Variants in RAB23 observed in about 807,000 individuals in gnomAD.
RAB23 encodes RAB23, member RAS oncogene family, also known as ras-related protein Rab-23.
RAB23 carries 15 observed loss-of-function variants against 30.0 expected under a neutral mutation model. That is an observed-to-expected ratio of 0.50 (90% CI 0.33 to 0.77). The LOEUF is 0.77. Ranked by LOEUF, RAB23 falls within the 30% of genes least tolerant of loss-of-function variation. The pLI is 0.02. For synonymous variants in RAB23, 93 were observed against 94.0 expected, an observed-to-expected ratio of 0.99 and a Z score of 0.06; for missense variants, 243 against 275.4, an observed-to-expected ratio of 0.88 and a Z score of 0.83.
chr6:57,207,599 AAAAT>A (rs748669596), intron 3 of RAB23, 25 bp downstream of exon 3: 13 of 1,513,516 alleles, frequency 8.6e-6, no homozygotes, highest in Non-Finnish European at 1.0e-5. Flanking sequence ...ATGCCCAAAC[AAAAT>A]AAATAAATAA....
At chr6:57,211,424 T>C (rs1765648062) in intron 1 of RAB23, among the ~76,000 whole-genome samples, 2 of 152,094 alleles carry the variant, frequency 1.3e-5, no homozygotes, top group Non-Finnish European at 2.9e-5. Flanking sequence ...CACGCCACTG[T>C]ACTCCAGCCT....
chr6:57,195,742 T>G (rs1764999315), intron 4 of RAB23, among the ~76,000 whole-genome samples: 1 of 152,240 alleles, frequency 6.6e-6, no homozygotes, highest in Admixed American at 6.5e-5. Flanking sequence ...AGCCTTTCCG[T>G]GAGAACAGGC....
At chr6:57,219,006 CA>C (rs1011179886) in intron 1 of RAB23, among the ~76,000 whole-genome samples, 81 of 152,064 alleles carry the variant, frequency 5.3e-4, no homozygotes, top group Admixed American at 1.3e-4. Context: ...TAATAGGAAA[CA>C]AAAATAAAAC....
At chr6:57,194,412 A>G (rs1395479893) in intron 5 of RAB23, among the ~76,000 whole-genome samples, 1 of 152,104 alleles carries the variant, frequency 6.6e-6, no homozygotes, top group Non-Finnish European at 1.5e-5. Flanking sequence ...TAAATTAAAT[A>G]CTATTAAATA....
At chr6:57,211,608 T>C (rs1214908445) in intron 1 of RAB23, among the ~76,000 whole-genome samples, 1 of 152,246 alleles carries the variant, frequency 6.6e-6, no homozygotes, top group African/African-American at 2.4e-5. Context: ...AGGTTTTGTA[T>C]AATAGTGTAC....
chr6:57,199,586 T>C (rs1320475713), intron 3 of RAB23, among the ~76,000 whole-genome samples: 3 of 152,042 alleles, frequency 2.0e-5, no homozygotes, highest in Non-Finnish European at 4.4e-5. Context: ...TTCTGCAGTA[T>C]AAAGAACAAA....
At chr6:57,218,667 A>T (rs1293485862) in intron 1 of RAB23, among the ~76,000 whole-genome samples, 1 of 152,130 alleles carries the variant, frequency 6.6e-6, no homozygotes, top group Non-Finnish European at 1.5e-5. Flanking sequence ...CCTGGACAAC[A>T]TGGTGAAACT....
intron 3 of RAB23, among the ~76,000 whole-genome samples, chr6:57,201,966 T>TATACAATTAAGCC (rs1250605552): frequency 6.6e-6 from 1 of 152,330 alleles, no homozygotes; most frequent in Admixed American, 6.5e-5. Flanking sequence ...CATCTCTCAC[T>TATACAATTAAGCC]ATACAATTAA....
At position 57,190,493 on chromosome 6, in the gene RAB23, T is replaced by C; in HGVS notation, c.682A>G (p.Arg228Gly). 1 of 1,614,156 alleles carries C rather than the reference T, an allele frequency of 6.2e-7. No individual in the cohort carries two copies. Among genetic ancestry groups the C allele is most frequent in the Non-Finnish European group, 8.5e-7 (1 of 1,179,978 alleles). The change falls in exon 7 of 7, where the codon AGA (arginine) becomes GGA (glycine). Residue 228 changes from arginine to glycine, a missense_variant. Transcript: ENST00000468148. Reference protein sequence around the residue: ...RPNKQRTKKNRNPFSSCSIP With the variant: ...RPNKQRTKKNGNPFSSCSIP Reference sequence around the variant, plus strand: ...ATGCTACAGCTGCTAAAAGGATTTCTGTTTTTCTTGGTCCTTTGTTTGTTG... The same window carrying C: ...ATGCTACAGCTGCTAAAAGGATTTCCGTTTTTCTTGGTCCTTTGTTTGTTG...
At chr6:57,220,828 C>T (rs9382690) in intron 1 of RAB23, among the ~76,000 whole-genome samples, 2,266 of 150,036 alleles carry the variant, frequency 0.015, 155 homozygotes, top group Admixed American at 0.12. Flanking sequence ...AACTGTACAT[C>T]GAAAAAAAAT....
rs911470595 is a variant in RAB23 at position 57,191,316 on chromosome 6, G to A, written c.575-716C>T. Among the ~76,000 whole-genome samples the A allele has an allele frequency of 5.9e-5, 9 of 152,188 alleles. No individual in the cohort carries two copies. In the East Asian group the frequency reaches 1.5e-3, roughly 26 times the overall value. On this transcript the variant is annotated intron_variant, in intron 6 of 6. Transcript: ENST00000468148. ...TTTCCTACTTATCCTTCCAGATATA[G>A]TTTATGCATATATAAGCTAAAATGC...
In RAB23 at chr6:57,213,639, A is replaced by G. The variant is rs908375073; in HGVS notation, c.-65-3194T>C. 3.9e-5 allele frequency among the ~76,000 whole-genome samples: 6 copies of G among 152,304 alleles called. No homozygotes were observed. The South Asian group carries it at 1.2e-3, about 32-fold the overall frequency. On this transcript the variant is annotated intron_variant, in intron 1 of 6. Coordinates refer to ENST00000468148, the MANE Select transcript of RAB23 (RefSeq NM_016277.5). The stretch of plus-strand genomic sequence containing the variant: ...TTTTTCCCTATTCCTTCCTCTAAGT[A>G]TAACTAAAAATTTTGGATACTATAT...
At position 57,189,040 on chromosome 6, in the gene RAB23, G is replaced by C. The variant is rs189407933; in HGVS notation, c.*1421C>G. On this transcript the variant is annotated 3_prime_UTR_variant, in exon 7 of 7. Coordinates refer to ENST00000468148, the MANE Select transcript of RAB23 (RefSeq NM_016277.5). The stretch of plus-strand genomic sequence containing the variant: ...GATTTTGCAATGCTGTAAAAACCAG[G>C]TATATTGAAAGGGGTTATTTATAGG... 6.6e-6 allele frequency: 1 copy of C among 152,210 alleles called. No individual in the cohort carries two copies. The highest frequency in any genetic ancestry group is 6.5e-5 in the Admixed American group (1 of 15,274). The allele number at this position is 152,210 out of a possible 1,614,324, so 9.4% of individuals were successfully genotyped here.
intron 6 of RAB23, 82 bp downstream of exon 6, chr6:57,193,760 C>T (rs1414633070): frequency 7.9e-6 from 12 of 1,526,176 alleles, no homozygotes; most frequent in South Asian, 1.2e-5. Flanking sequence ...TTTTAAATCA[C>T]ATTTCTGAAA....
At chr6:57,206,152 G>C (rs1023627742) in intron 3 of RAB23, among the ~76,000 whole-genome samples, 1 of 152,168 alleles carries the variant, frequency 6.6e-6, no homozygotes, top group Non-Finnish European at 1.5e-5. Flanking sequence ...GCATTTTGCT[G>C]AGCAAGTATT....
At chr6:57,193,282 T>G (rs1372716558) in intron 6 of RAB23, among the ~76,000 whole-genome samples, 5 of 151,774 alleles carry the variant, frequency 3.3e-5, no homozygotes, top group Non-Finnish European at 5.9e-5. Flanking sequence ...TCTACATATG[T>G]AGTGAAGGGG....
intron 6 of RAB23, among the ~76,000 whole-genome samples, chr6:57,192,059 G>C (rs1362080015): frequency 6.6e-6 from 1 of 151,766 alleles, no homozygotes; most frequent in East Asian, 1.9e-4. Context: ...GTCTAAGTTG[G>C]TCTCAAACTG....
At chr6:57,200,777 G>C (rs940564649) in intron 3 of RAB23, among the ~76,000 whole-genome samples, 1 of 152,004 alleles carries the variant, frequency 6.6e-6, no homozygotes, top group Non-Finnish European at 1.5e-5. Flanking sequence ...CAATGGGTGA[G>C]AGTGAGAGTG....
chr6:57,200,189 GA>G (rs1765191796), intron 3 of RAB23, among the ~76,000 whole-genome samples: 1 of 149,798 alleles, frequency 6.7e-6, no homozygotes, highest in Admixed American at 6.7e-5. Context: ...AGCACTTCAA[GA>G]ATTTTTTTTT....
Sources: allele counts gnomAD v4.1 joint callset (sites outside exome capture counted in the v4.1 genomes callset), GRCh38; gene constraint gnomAD v4.1.1; transcripts MANE v1.5; gene names NCBI Gene and HGNC (gene_info 2026-07-23, HGNC 2026-07-21).